Variants in RNF111 observed in about 807,000 individuals in gnomAD.
RNF111 encodes E3 ubiquitin-protein ligase Arkadia.
RNF111 carries 17 observed loss-of-function variants against 95.1 expected under a neutral mutation model. That is an observed-to-expected ratio of 0.18 (90% CI 0.12 to 0.27). The LOEUF is 0.27. Ranked by LOEUF, RNF111 falls within the 10% of genes least tolerant of loss-of-function variation. The pLI, the probability that RNF111 is intolerant of heterozygous loss-of-function variation, is 1.00. For synonymous variants in RNF111, 440 were observed against 414.8 expected (o/e 1.06, Z -0.74); for missense variants, 1,189 against 1,210.4 (o/e 0.98, Z 0.26).
At chr15:59,011,193 C>G (rs572243515) in intron 1 of RNF111, among the ~76,000 whole-genome samples, 1 of 152,320 alleles carries the variant, frequency 6.6e-6, no homozygotes, top group East Asian at 1.9e-4. Flanking sequence ...TCGAATTTCA[C>G]TGTCTTATCC....
intron 2 of RNF111, among the ~76,000 whole-genome samples, chr15:59,040,323 T>A (rs1292498697): frequency 6.6e-6 from 1 of 152,016 alleles, no homozygotes; most frequent in African/African-American, 2.4e-5. Flanking sequence ...AGATGAGATC[T>A]TCTTAACGTT....
chr15:58,989,874 CT>C (rs35673657), intron 1 of RNF111, among the ~76,000 whole-genome samples: 28,135 of 146,736 alleles, frequency 0.19, 2,597 homozygotes, highest in East Asian at 0.27. Context: ...ATGTTTCCTT[CT>C]TTTTTTTTTT....
At chr15:59,041,818 C>T (rs867721048) in intron 2 of RNF111, among the ~76,000 whole-genome samples, 4 of 151,768 alleles carry the variant, frequency 2.6e-5, no homozygotes, top group South Asian at 2.1e-4. Context: ...GTTTTTGGTC[C>T]GTCTGATAGC....
chr15:58,991,001 A>G (rs2038790303), intron 1 of RNF111, among the ~76,000 whole-genome samples: 1 of 152,092 alleles, frequency 6.6e-6, no homozygotes, highest in Admixed American at 6.6e-5. Context: ...TTTAAAGACA[A>G]ATACTTAGCT....
At chr15:59,023,721 T>C (rs1202247390) in intron 1 of RNF111, among the ~76,000 whole-genome samples, 3 of 152,184 alleles carry the variant, frequency 2.0e-5, no homozygotes, top group Non-Finnish European at 4.4e-5. Flanking sequence ...TTTATAACAG[T>C]GAATTCCTTT....
intron 11 of RNF111, among the ~76,000 whole-genome samples, chr15:59,090,510 G>A (rs956313887): frequency 6.6e-6 from 1 of 152,152 alleles, no homozygotes; most frequent in African/African-American, 2.4e-5. Context: ...GATTACAGGC[G>A]CAAGCCACCG....
At chr15:59,067,814 G>GT (rs567649579) in intron 6 of RNF111, among the ~76,000 whole-genome samples, 178 of 152,154 alleles carry the variant, frequency 1.2e-3, no homozygotes, top group Admixed American at 4.8e-3. Context: ...ACCTCCTACT[G>GT]TAGAGTTCAC....
chr15:59,028,272 T>A (rs1200397942), intron 1 of RNF111, among the ~76,000 whole-genome samples: 5 of 152,320 alleles, frequency 3.3e-5, no homozygotes, highest in African/African-American at 9.6e-5. Flanking sequence ...TTCTTTTACT[T>A]AGCATATTGT....
intron 1 of RNF111, among the ~76,000 whole-genome samples, chr15:59,028,157 C>G (rs1196907131): frequency 6.6e-6 from 1 of 152,166 alleles, no homozygotes; most frequent in African/African-American, 2.4e-5. Flanking sequence ...TTGAATCCTC[C>G]GATGATCCCC....
At chr15:59,068,361 C>G (rs964849177) in intron 6 of RNF111, among the ~76,000 whole-genome samples, 3 of 152,256 alleles carry the variant, frequency 2.0e-5, no homozygotes, top group Admixed American at 6.5e-5. Context: ...AATTCCAGCA[C>G]TTTGGGAGGC....
chr15:59,020,323 T>C (rs2040276119), intron 1 of RNF111, among the ~76,000 whole-genome samples: 1 of 151,678 alleles, frequency 6.6e-6, no homozygotes, highest in African/African-American at 2.4e-5. Context: ...ATTAGCAGTA[T>C]CTTTATGTCT....
chr15:58,998,763 T>G (rs2039197145), intron 1 of RNF111, among the ~76,000 whole-genome samples: 2 of 152,262 alleles, frequency 1.3e-5, no homozygotes, highest in African/African-American at 4.8e-5. Flanking sequence ...TATCAGTCAC[T>G]GTAATTTTGG....
intron 1 of RNF111, among the ~76,000 whole-genome samples, chr15:59,012,661 G>C (rs112038985): frequency 3.9e-5 from 6 of 152,010 alleles, no homozygotes; most frequent in African/African-American, 1.4e-4. Context: ...AGTGTATACA[G>C]ATGTATGTCT....
At chr15:59,025,594 A>G (rs2040560793) in intron 1 of RNF111, among the ~76,000 whole-genome samples, 1 of 152,246 alleles carries the variant, frequency 6.6e-6, no homozygotes, top group Non-Finnish European at 1.5e-5. Context: ...CCCAAGTGAT[A>G]TCCCTGTAGT....
rs1371048205 is a variant in RNF111 at position 59,070,494 on chromosome 15, A to G, written c.1686+3411A>G. Among the ~76,000 whole-genome samples the G allele has an allele frequency of 3.3e-5, 5 of 152,196 alleles. No homozygotes were observed. The South Asian group carries it at 6.2e-4, about 19-fold the overall frequency. ...TAATTTTAGTCTAAATAGTAGGGAAAGGATTTGAACCATAAACATAAATTC... is the reference window on the plus strand; with the variant it reads ...TAATTTTAGTCTAAATAGTAGGGAAGGGATTTGAACCATAAACATAAATTC... On this transcript the variant is annotated intron_variant, in intron 6 of 13. Transcript: ENST00000348370.
At position 59,096,237 on chromosome 15, in the gene RNF111, A is replaced by T. The variant is rs1471001473; in HGVS notation, c.*1337A>T. On this transcript the variant is annotated 3_prime_UTR_variant, in exon 14 of 14. Transcript: ENST00000348370. ...TATTATTATCAAGATACTTTCATATACAGGATAGCCTAATTTTATTTGTTT... is the reference window on the plus strand; with the variant it reads ...TATTATTATCAAGATACTTTCATATTCAGGATAGCCTAATTTTATTTGTTT... 3 of 394,648 alleles carry T rather than the reference A, an allele frequency of 7.6e-6. No homozygotes were observed. Among genetic ancestry groups the T allele is most frequent in the African/African-American group, 6.2e-5 (3 of 48,548 alleles). The allele number at this position is 394,648 out of a possible 1,614,324, so 24.4% of individuals were successfully genotyped here. A position where few individuals can be genotyped will look rare whatever the true frequency, so the allele number is the denominator to read the frequency against.
intron 1 of RNF111, among the ~76,000 whole-genome samples, chr15:58,997,170 G>T (rs1189385993): frequency 6.6e-6 from 1 of 151,990 alleles, no homozygotes; most frequent in East Asian, 1.9e-4. Context: ...AAAAAACAAG[G>T]CTCCTTGCCA....
At chr15:59,058,572 G>A (rs1298679290) in intron 5 of RNF111, 22 bp downstream of exon 5, 2 of 1,603,176 alleles carry the variant, frequency 1.2e-6, no homozygotes, top group Non-Finnish European at 1.7e-6. Flanking sequence ...AGTGGGGGAG[G>A]GGAGACTTTT....
rs747203520 is a variant in RNF111, at chr15:59,066,878, A to G, written c.1481A>G (p.His494Arg). Reference sequence around the variant, plus strand: ...CCATGTGGAGGGTCGTCACAGAACCACCATGCATTAGGACATCCTCATACA... The same window carrying G: ...CCATGTGGAGGGTCGTCACAGAACCGCCATGCATTAGGACATCCTCATACA... ...HSPCGGSSQN[H>R]HALGHPHTSC... The change falls in exon 6 of 14, where the codon CAC becomes CGC. Residue 494 changes from histidine (H) to arginine (R), a missense_variant. His to Arg is a conservative substitution (Grantham distance 29). Transcript: ENST00000348370. The G allele has an allele frequency of 1.5e-5, 24 of 1,613,916 alleles. No homozygotes were observed. Among genetic ancestry groups the G allele is most frequent in the East Asian group, 2.2e-5 (1 of 44,878 alleles).
Sources: gnomAD v4.1 joint callset for allele counts (sites outside exome capture counted in the v4.1 genomes callset) on GRCh38, gnomAD v4.1.1 for gene constraint, MANE v1.5 for transcripts, NCBI Gene and HGNC (gene_info 2026-07-23, HGNC 2026-07-21) for gene names.